The following LONRF1 variants were observed in gnomAD, a reference collection of about 807,000 sequenced individuals.
LONRF1 encodes LON peptidase N-terminal domain and RING finger protein 1.
Under a neutral mutation model 85.8 loss-of-function variants are expected in LONRF1, and 37 were observed. The observed-to-expected ratio is 0.43, with a 90% confidence interval of 0.33 to 0.57. The LOEUF (loss-of-function observed/expected upper bound fraction) is 0.57, where lower values mean the gene tolerates loss of function less well. LONRF1 is among the 20% of genes least tolerant of loss of function. The pLI is 0.04. For synonymous variants in LONRF1, 517 were observed against 390.1 expected (o/e 1.33, Z -3.83); for missense variants, 1,036 against 978.0 (o/e 1.06, Z -0.79).
At chr8:12,745,549 G>A (rs538597468) in intron 1 of LONRF1, among the ~76,000 whole-genome samples, 5 of 152,294 alleles carry the variant, frequency 3.3e-5, no homozygotes, top group South Asian at 2.1e-4. Context: ...AAGTTTGAAA[G>A]AGTCAACAAG....
intron 1 of LONRF1, among the ~76,000 whole-genome samples, chr8:12,745,290 T>C (rs1268562266): frequency 7.0e-6 from 1 of 142,770 alleles, no homozygotes; most frequent in Admixed American, 7.2e-5. Flanking sequence ...TTGAAAATGT[T>C]AACCGATTAT....
Position 12,755,385 on chromosome 8 carries a change from T to A in LONRF1, c.36A>T (p.Gly12=). The A allele has an allele frequency of 8.5e-7, 1 of 1,180,842 alleles. No homozygotes were observed. The highest frequency in any genetic ancestry group is 1.0e-6 in the Non-Finnish European group (1 of 955,238). 73.1% of individuals were successfully genotyped at this position (1,180,842 alleles called of 1,614,324 possible). The change falls in exon 1 of 12, where the codon GGA becomes GGT. Residue 12 remains glycine (G), a synonymous_variant. Transcript: ENST00000398246. Reference sequence around the variant, plus strand: ...GCGCTGGGGCCATCTCCCGACTCCCTCCTGGGGAGGTCCTCGCCACCGCCG... The same window carrying A: ...GCGCTGGGGCCATCTCCCGACTCCCACCTGGGGAGGTCCTCGCCACCGCCG... The part of the protein sequence containing the change: ...SSPAVARTSP[G]GSREMAPAPQ...
chr8:12,724,749 C>T (rs1365919206), intron 11 of LONRF1, among the ~76,000 whole-genome samples: 1 of 152,150 alleles, frequency 6.6e-6, no homozygotes, highest in Non-Finnish European at 1.5e-5. Flanking sequence ...AAGCCCATTT[C>T]TGTGATGTTT....
chr8:12,754,725 G>A lies in LONRF1; in HGVS notation c.696C>T (p.Ala232=), dbSNP rs754524891. 7.1e-7 allele frequency: 1 copy of A among 1,409,426 alleles called. No individual in the cohort carries two copies. The highest frequency in any genetic ancestry group is 1.5e-5 in the South Asian group (1 of 67,742). 87.3% of individuals were successfully genotyped at this position (1,409,426 alleles called of 1,614,324 possible). A position where few individuals can be genotyped will look rare whatever the true frequency, so the allele number is the denominator to read the frequency against. ...LHQGRYREAL[A]AACEALRAEP... ...CTGCTCGCAGCGCCTCGCAGGCGGC[G>A]GCCAGGGCCTCCCGGTAGCGCCCCT... The change falls in exon 1 of 12, where the codon GCC becomes GCT. Residue 232 remains alanine, a synonymous_variant. Coordinates refer to ENST00000398246, the MANE Select transcript of LONRF1 (RefSeq NM_152271.5).
intron 1 of LONRF1, among the ~76,000 whole-genome samples, chr8:12,752,869 G>A (rs1243975981): frequency 6.6e-6 from 1 of 152,148 alleles, no homozygotes; most frequent in African/African-American, 2.4e-5. Flanking sequence ...AACTTCCTTG[G>A]ATATGTATAC....
At chr8:12,744,156 A>G (rs1250005979) in intron 1 of LONRF1, among the ~76,000 whole-genome samples, 1 of 152,214 alleles carries the variant, frequency 6.6e-6, no homozygotes, top group African/African-American at 2.4e-5. Flanking sequence ...TATTCATTGT[A>G]AGATGGGCAT....
chr8:12,749,410 T>C (rs2117340615), intron 1 of LONRF1, among the ~76,000 whole-genome samples: 1 of 152,270 alleles, frequency 6.6e-6, no homozygotes, highest in East Asian at 1.9e-4. Context: ...CCTGAAGTCA[T>C]TCAACTTCAA....
intron 8 of LONRF1, among the ~76,000 whole-genome samples, chr8:12,729,859 T>C (rs910920902): frequency 6.6e-6 from 1 of 152,130 alleles, no homozygotes; most frequent in Non-Finnish European, 1.5e-5. Context: ...TAAAATGATA[T>C]AACATTTTTC....
intron 8 of LONRF1, among the ~76,000 whole-genome samples, chr8:12,730,774 A>C (rs6995647): frequency 0.93 from 142,270 of 152,212 alleles, 66,948 homozygotes; most frequent in Non-Finnish European, 0.99. Flanking sequence ...TAAAGAGTGG[A>C]AATCTTTCTT....
chr8:12,751,904 A>T (rs1215954324), intron 1 of LONRF1, among the ~76,000 whole-genome samples: 1 of 152,220 alleles, frequency 6.6e-6, no homozygotes, highest in Non-Finnish European at 1.5e-5. Flanking sequence ...TACTAAAAAG[A>T]CAGAAAGTTA....
chr8:12,726,565 C>CA (rs1798314910), intron 10 of LONRF1, among the ~76,000 whole-genome samples: 1 of 152,216 alleles, frequency 6.6e-6, no homozygotes, highest in African/African-American at 2.4e-5. Context: ...ATCAGGCTTC[C>CA]AGCCTGAGAT....
intron 1 of LONRF1, among the ~76,000 whole-genome samples, chr8:12,751,512 C>A (rs1349291451): frequency 6.6e-6 from 1 of 151,154 alleles, no homozygotes; most frequent in East Asian, 1.9e-4. Flanking sequence ...ACCATGTTGG[C>A]CAGGCTGGTC....
At chr8:12,749,583 A>C (rs888310094) in intron 1 of LONRF1, among the ~76,000 whole-genome samples, 12 of 152,232 alleles carry the variant, frequency 7.9e-5, no homozygotes, top group African/African-American at 2.7e-4. Context: ...AAATAACTAG[A>C]AATCTAAGAT....
chr8:12,728,024 A>G (rs1234224185), intron 10 of LONRF1, among the ~76,000 whole-genome samples: 1 of 152,214 alleles, frequency 6.6e-6, no homozygotes, highest in Non-Finnish European at 1.5e-5. Flanking sequence ...TATTTCATAG[A>G]GTTGTGAAAA....
At chr8:12,736,441 T>C (rs1166335360) in intron 6 of LONRF1, among the ~76,000 whole-genome samples, 1 of 152,216 alleles carries the variant, frequency 6.6e-6, no homozygotes, top group Non-Finnish European at 1.5e-5. Flanking sequence ...CCTTTTATAC[T>C]GAAGCCATGT....
At chr8:12,728,786 G>C (rs745449319) in intron 10 of LONRF1, 115 bp downstream of exon 10, 2 of 1,156,464 alleles carry the variant, frequency 1.7e-6, no homozygotes, top group Non-Finnish European at 2.5e-6. Flanking sequence ...TCATCACAGT[G>C]GTAAGGCTGT....
At chr8:12,742,455 T>C (rs951982419) in intron 2 of LONRF1, among the ~76,000 whole-genome samples, 1 of 152,220 alleles carries the variant, frequency 6.6e-6, no homozygotes, top group African/African-American at 2.4e-5. Context: ...CCTTTGTCCC[T>C]ATCTTCTGAA....
intron 1 of LONRF1, among the ~76,000 whole-genome samples, chr8:12,751,843 G>C (rs1458827926): frequency 1.3e-5 from 2 of 152,018 alleles, no homozygotes; most frequent in African/African-American, 4.8e-5. Flanking sequence ...ATTTCAGTAG[G>C]CTCAAGCACA....
chr8:12,733,516 C>A lies in LONRF1; in HGVS notation c.1567-1659G>T, dbSNP rs1167070911. 2.6e-5 allele frequency among the ~76,000 whole-genome samples: 4 copies of A among 152,080 alleles called. No individual in the cohort carries two copies. In the East Asian group the frequency reaches 7.7e-4, roughly 29 times the overall value. On this transcript the variant is annotated intron_variant, in intron 7 of 11. Transcript: ENST00000398246. ...CACAGTCTGTAGATAATTTTTCTTT[C>A]AAGTTTTTCTTCCATTGTCACCCAC...
Sources: allele counts gnomAD v4.1 joint callset (sites outside exome capture counted in the v4.1 genomes callset), GRCh38; gene constraint gnomAD v4.1.1; transcripts MANE v1.5; gene names NCBI Gene and HGNC (gene_info 2026-07-23, HGNC 2026-07-21).